Variants in CERS6 observed in about 807,000 individuals in gnomAD.
CERS6 encodes the protein LAG1 homolog, ceramide synthase 6.
CERS6 carries 26 observed loss-of-function variants against 56.8 expected under a neutral mutation model. The ratio of observed to expected loss-of-function variants is 0.46; its 90% CI spans 0.34 to 0.63. The LOEUF (loss-of-function observed/expected upper bound fraction) is 0.63. Ranked by LOEUF, CERS6 falls within the 30% of genes least tolerant of loss-of-function variation. CERS6 has a pLI of 0.01. For synonymous variants in CERS6, 164 were observed against 173.3 expected, an observed-to-expected ratio of 0.95 and a Z score of 0.42; for missense variants, 415 against 467.5, an observed-to-expected ratio of 0.89 and a Z score of 1.04.
chr2:168,746,775 G>GTT (rs1553515803), intron 8 of CERS6, among the ~76,000 whole-genome samples: 2 of 38,992 alleles, frequency 5.1e-5, no homozygotes, highest in Admixed American at 6.5e-4. Context: ...AGGGTAAAGG[G>GTT]TATATATATA....
rs73969268 is a variant in CERS6, at chr2:168,573,649, G to C, written c.407+12327G>C. On this transcript the variant is annotated intron_variant, in intron 3 of 9. Transcript: ENST00000305747. ...GCCGGGAGTCACTGAGATTGGAAAT[G>C]CCTTATTTAGGACCTTTGGTGCTCA... 4.9e-3 allele frequency among the ~76,000 whole-genome samples: 750 copies of C among 152,118 alleles called. 11 individuals are homozygous for C. Among genetic ancestry groups the C allele is most frequent in the African/African-American group, 0.017 (702 of 41,504 alleles).
chr2:168,581,509 G>T (rs775662199), intron 3 of CERS6, among the ~76,000 whole-genome samples: 1 of 152,076 alleles, frequency 6.6e-6, no homozygotes, highest in Admixed American at 6.5e-5. Context: ...CCATATGTTA[G>T]ATGTCATCTG....
intron 1 of CERS6, among the ~76,000 whole-genome samples, chr2:168,475,654 A>C (rs1334280748): frequency 2.6e-5 from 4 of 152,210 alleles, no homozygotes; most frequent in Non-Finnish European, 2.9e-5. Context: ...ATTGTATCCA[A>C]GGGTTTGAAT....
chr2:168,604,038 A>T (rs1356859875), intron 3 of CERS6, among the ~76,000 whole-genome samples: 11 of 152,196 alleles, frequency 7.2e-5, no homozygotes, highest in Admixed American at 2.0e-4. Context: ...ATTAGATATG[A>T]TTTGATATTA....
chr2:168,464,172 TTTTGTGTGTG>T (rs565401151), intron 1 of CERS6, among the ~76,000 whole-genome samples: 205 of 68,944 alleles, frequency 3.0e-3, no homozygotes, highest in African/African-American at 9.4e-3. Context: ...TATTTATACT[TTTTGTGTGTG>T]TGTGTGTGTG....
intron 8 of CERS6, among the ~76,000 whole-genome samples, chr2:168,719,191 G>A (rs1171745563): frequency 6.6e-6 from 1 of 152,150 alleles, no homozygotes; most frequent in African/African-American, 2.4e-5. Context: ...CTGCCCTTGG[G>A]GCATTTACAG....
At chr2:168,530,470 T>C (rs1016154459) in intron 1 of CERS6, among the ~76,000 whole-genome samples, 1 of 152,230 alleles carries the variant, frequency 6.6e-6, no homozygotes, top group Non-Finnish European at 1.5e-5. Flanking sequence ...ACAAGGGTAT[T>C]TTCGTATATA....
At chr2:168,718,884 C>T (rs1201455891) in intron 8 of CERS6, among the ~76,000 whole-genome samples, 2 of 152,190 alleles carry the variant, frequency 1.3e-5, no homozygotes, top group Non-Finnish European at 2.9e-5. Context: ...ACTCCCTGCA[C>T]AGGTAGAGGC....
chr2:168,488,721 T>C (rs1694317088), intron 1 of CERS6, among the ~76,000 whole-genome samples: 1 of 152,112 alleles, frequency 6.6e-6, no homozygotes. Context: ...AAAAAAATTT[T>C]TTTTTGGTGA....
intron 3 of CERS6, among the ~76,000 whole-genome samples, chr2:168,620,099 T>C (rs1001271309): frequency 8.5e-5 from 12 of 140,768 alleles, no homozygotes; most frequent in Admixed American, 5.7e-4. Flanking sequence ...TACTCAGCCA[T>C]AAAAAGAAAT....
intron 4 of CERS6, among the ~76,000 whole-genome samples, chr2:168,665,842 T>C (rs1685744028): frequency 6.6e-6 from 1 of 152,192 alleles, no homozygotes; most frequent in Non-Finnish European, 1.5e-5. Context: ...AGTTATATAC[T>C]CTGAATTATT....
intron 4 of CERS6, among the ~76,000 whole-genome samples, chr2:168,631,549 T>TA (rs1491139116): frequency 1.8e-4 from 21 of 119,302 alleles, no homozygotes; most frequent in African/African-American, 5.9e-4. Flanking sequence ...ATATATTATA[T>TA]TTTTAATATT....
intron 4 of CERS6, among the ~76,000 whole-genome samples, chr2:168,662,113 ATT>A (rs1457744808): frequency 2.1e-5 from 3 of 143,916 alleles, no homozygotes; most frequent in African/African-American, 7.7e-5. Flanking sequence ...CTGGTATACC[ATT>A]CAAGGCTGTC....
At position 168,772,972 on chromosome 2, in the gene CERS6, G is replaced by A. The variant is rs994899273; in HGVS notation, c.*3310G>A. The A allele has an allele frequency of 1.3e-5, 2 of 152,328 alleles. No homozygotes were observed. The highest frequency in any genetic ancestry group is 4.8e-5 in the African/African-American group (2 of 41,460). 9.4% of individuals were successfully genotyped at this position (152,328 alleles called of 1,614,324 possible). A position where few individuals can be genotyped will look rare whatever the true frequency, so the allele number is the denominator to read the frequency against. ...CTTTCCATTCAGAGTATTTGGTGGAGTTTGAATTTGAGCAAACTAAATGCC... is the reference window on the plus strand; with the variant it reads ...CTTTCCATTCAGAGTATTTGGTGGAATTTGAATTTGAGCAAACTAAATGCC... On this transcript the variant is annotated 3_prime_UTR_variant, in exon 10 of 10. Coordinates refer to ENST00000305747, the MANE Select transcript of CERS6 (RefSeq NM_203463.3).
chr2:168,472,760 TAAAC>T (rs1050764350), intron 1 of CERS6, among the ~76,000 whole-genome samples: 1 of 152,194 alleles, frequency 6.6e-6, no homozygotes, highest in Admixed American at 6.5e-5. Flanking sequence ...TTTTAAAAGA[TAAAC>T]AGATTAAGGA....
In CERS6 at chr2:168,612,993, T is replaced by G. The variant is rs566438751; in HGVS notation, c.408-17992T>G. Among the ~76,000 whole-genome samples the G allele has an allele frequency of 2.6e-5, 4 of 152,206 alleles. No homozygotes were observed. In the South Asian group the frequency reaches 8.3e-4, roughly 32 times the overall value. Reference sequence around the variant, plus strand: ...CTACCTCTTGAAGAAAGGTAAAGACTAGGTGTGTTGGGCTGGGGAAGAGAC... The same window carrying G: ...CTACCTCTTGAAGAAAGGTAAAGACGAGGTGTGTTGGGCTGGGGAAGAGAC... On this transcript the variant is annotated intron_variant, in intron 3 of 9. Coordinates refer to ENST00000305747, the MANE Select transcript of CERS6 (RefSeq NM_203463.3).
In CERS6 at chr2:168,640,132, G is replaced by A. The variant is rs1684953021; in HGVS notation, c.465+9090G>A. ...ATAGAGGTAGTTTTACCTGAGTGGGGTAAAGAGAGACTGCTGGAGTGAGTG... is the reference window on the plus strand; with the variant it reads ...ATAGAGGTAGTTTTACCTGAGTGGGATAAAGAGAGACTGCTGGAGTGAGTG... On this transcript the variant is annotated intron_variant, in intron 4 of 9. Transcript: ENST00000305747. 2.0e-5 allele frequency among the ~76,000 whole-genome samples: 3 copies of A among 152,168 alleles called. No homozygotes were observed. The South Asian group carries it at 6.2e-4, about 32-fold the overall frequency.
At chr2:168,550,174 T>C (rs766361219) in intron 2 of CERS6, among the ~76,000 whole-genome samples, 6 of 152,018 alleles carry the variant, frequency 3.9e-5, no homozygotes, top group Non-Finnish European at 8.8e-5. Context: ...GGTGTTTTTT[T>C]GTTTGTTGTT....
At position 168,561,269 on chromosome 2, in the gene CERS6, A is replaced by G. The variant is rs1333037222; in HGVS notation, c.354A>G (p.Arg118=). 1.2e-6 allele frequency: 2 copies of G among 1,614,172 alleles called. No homozygotes were observed. Among genetic ancestry groups the G allele is most frequent in the South Asian group, 1.1e-5 (1 of 91,080 alleles). Residue 118 remains arginine (R), a synonymous_variant, in exon 3 of 10, where the codon CGA becomes CGG. Coordinates refer to ENST00000305747, the MANE Select transcript of CERS6 (RefSeq NM_203463.3). ...TTCGAAGCATTCAGCGCTGGTTTCG[A>G]CAAAGACGCAATCAGGAGAAGCCAA... ...WDVRSIQRWF[R]QRRNQEKPST...
Sources: gnomAD v4.1 joint callset for allele counts (sites outside exome capture counted in the v4.1 genomes callset) on GRCh38, gnomAD v4.1.1 for gene constraint, MANE v1.5 for transcripts, NCBI Gene and HGNC (gene_info 2026-07-23, HGNC 2026-07-21) for gene names.